The following ZNF804B variants were observed in gnomAD, a reference collection of about 807,000 sequenced individuals.
ZNF804B encodes zinc finger 804B.
ZNF804B carries 80 observed loss-of-function variants against 101.4 expected under a neutral mutation model. That is an observed-to-expected ratio of 0.79 (90% CI 0.66 to 0.95). ZNF804B has a LOEUF of 0.95. ZNF804B is among the 40% of genes least tolerant of loss of function. The pLI is 0.00. For missense variants in ZNF804B, 1,673 were observed against 1,561.9 expected (o/e 1.07, Z -1.20); for synonymous variants, 622 against 558.8 (o/e 1.11, Z -1.59).
intron 1 of ZNF804B, among the ~76,000 whole-genome samples, chr7:89,172,187 TTC>T (rs1314174107): frequency 6.6e-6 from 1 of 152,102 alleles, no homozygotes. Context: ...ACAGAGAACA[TTC>T]TAGAATATCT....
intron 1 of ZNF804B, among the ~76,000 whole-genome samples, chr7:89,183,120 T>C (rs1396221749): frequency 6.6e-6 from 1 of 152,010 alleles, no homozygotes; most frequent in Admixed American, 6.6e-5. Flanking sequence ...TTGGCTAAAA[T>C]ATAAACATGT....
intron 1 of ZNF804B, among the ~76,000 whole-genome samples, chr7:88,783,221 GT>G (rs1562792343): frequency 6.6e-6 from 1 of 152,166 alleles, no homozygotes; most frequent in African/African-American, 2.4e-5. Context: ...AATACTTGAA[GT>G]TTTTGCATGT....
At chr7:89,079,526 C>G (rs1456242509) in intron 1 of ZNF804B, among the ~76,000 whole-genome samples, 2 of 152,090 alleles carry the variant, frequency 1.3e-5, no homozygotes, top group African/African-American at 2.4e-5. Flanking sequence ...AACACTTACT[C>G]TCTGCAAAAT....
At chr7:89,278,927 T>C (rs1438083693) in intron 2 of ZNF804B, among the ~76,000 whole-genome samples, 2 of 152,096 alleles carry the variant, frequency 1.3e-5, no homozygotes, top group Non-Finnish European at 2.9e-5. Context: ...ATTGAATCTG[T>C]AAATTACCTT....
In ZNF804B at chr7:89,001,369, T is replaced by A. The variant is rs1024814982; in HGVS notation, c.109-216786T>A. Among the ~76,000 whole-genome samples, 6 of 151,498 alleles carry A rather than the reference T, an allele frequency of 4.0e-5. No individual in the cohort carries two copies. The South Asian group carries it at 6.2e-4, about 16-fold the overall frequency. On this transcript the variant is annotated intron_variant, in intron 1 of 3. Transcript: ENST00000333190. ...TTTTCCTTTCCTTTTCTTTTTTTTT[T>A]AAAAGCTAAATGAAAGATTTTATTA...
intron 1 of ZNF804B, among the ~76,000 whole-genome samples, chr7:88,972,140 T>C (rs1793548194): frequency 6.6e-6 from 1 of 151,574 alleles, no homozygotes; most frequent in Non-Finnish European, 1.5e-5. Context: ...GAGATGACAT[T>C]GAGCTCAAAG....
At chr7:89,216,862 A>C (rs1788903866) in intron 1 of ZNF804B, among the ~76,000 whole-genome samples, 1 of 152,220 alleles carries the variant, frequency 6.6e-6, no homozygotes. Context: ...AAACAAAGAT[A>C]AAATCCATTC....
At chr7:89,187,164 CATT>C (rs1485473634) in intron 1 of ZNF804B, among the ~76,000 whole-genome samples, 2 of 152,128 alleles carry the variant, frequency 1.3e-5, no homozygotes, top group Non-Finnish European at 2.9e-5. Context: ...TGGGGCTCTA[CATT>C]TGAAAGCAAA....
Position 88,770,940 on chromosome 7 carries a change from G to A in ZNF804B, c.108+10856G>A, listed in dbSNP as rs57159168. Among the ~76,000 whole-genome samples, 424 of 152,204 alleles carry A rather than the reference G, an allele frequency of 2.8e-3. 2 individuals carry two copies. Among genetic ancestry groups the A allele is most frequent in the African/African-American group, 9.9e-3 (412 of 41,530 alleles). On this transcript the variant is annotated intron_variant, in intron 1 of 3. Transcript: ENST00000333190. ...TTATAAGTTGAAATTTATGCAATTC[G>A]AAATGCTTTACTACACATTTTAATG...
rs1791053224 is a variant in ZNF804B, at chr7:89,334,984, G to A, written c.2002G>A (p.Asp668Asn). ...TCCTTGTACAGTAGGGGGTCACAGT[G>A]ACCATGGGAAAGACTTCAGTGTAAT... Reference protein sequence around the residue: ...SSPCTVGGHSDHGKDFSVILK... With the variant: ...SSPCTVGGHSNHGKDFSVILK... The change falls in exon 4 of 4, where the codon GAC becomes AAC. Residue 668 changes from aspartate to asparagine, a missense_variant. Transcript: ENST00000333190. The A allele has an allele frequency of 6.2e-7, 1 of 1,613,862 alleles. No homozygotes were observed. Among genetic ancestry groups the A allele is most frequent in the Non-Finnish European group, 8.5e-7 (1 of 1,179,898 alleles).
chr7:88,935,174 G>A (rs888458320), intron 1 of ZNF804B, among the ~76,000 whole-genome samples: 1 of 151,638 alleles, frequency 6.6e-6, no homozygotes, highest in Non-Finnish European at 1.5e-5. Flanking sequence ...GAGTAATTCA[G>A]AAATGGAAAA....
intron 2 of ZNF804B, among the ~76,000 whole-genome samples, chr7:89,220,090 T>TATATGTGTGTATATACATGTATATAG (rs1788976289): frequency 1.8e-5 from 2 of 111,924 alleles, no homozygotes; most frequent in African/African-American, 4.0e-5. Flanking sequence ...TACATATATA[T>TATATGTGTGTATATACATGTATATAG]ACGCACATAT....
At chr7:88,946,568 T>C (rs1793133173) in intron 1 of ZNF804B, among the ~76,000 whole-genome samples, 1 of 151,376 alleles carries the variant, frequency 6.6e-6, no homozygotes, top group Non-Finnish European at 1.5e-5. Flanking sequence ...TTTTTTTTTT[T>C]TTGTTTTATC....
intron 1 of ZNF804B, among the ~76,000 whole-genome samples, chr7:89,114,904 AAAAAAC>A (rs1248558829): frequency 7.2e-5 from 11 of 152,164 alleles, no homozygotes; most frequent in Non-Finnish European, 1.5e-4. Flanking sequence ...CTAGAACTGC[AAAAAAC>A]AAAAACAAAA....
chr7:89,123,001 C>A (rs575240089), intron 1 of ZNF804B, among the ~76,000 whole-genome samples: 16 of 152,158 alleles, frequency 1.1e-4, no homozygotes, highest in African/African-American at 3.1e-4. Flanking sequence ...CATCCCTGAC[C>A]GAACCCTATG....
At chr7:89,098,144 G>A (rs13247457) in intron 1 of ZNF804B, among the ~76,000 whole-genome samples, 1 of 152,078 alleles carries the variant, frequency 6.6e-6, no homozygotes, top group Non-Finnish European at 1.5e-5. Flanking sequence ...TAAGTAAGCT[G>A]TGTAAGGCTC....
At chr7:88,824,385 A>G (rs569511733) in intron 1 of ZNF804B, among the ~76,000 whole-genome samples, 2 of 152,256 alleles carry the variant, frequency 1.3e-5, no homozygotes, top group South Asian at 2.1e-4. Flanking sequence ...TGCTGCCTCC[A>G]TGTGAAGAAG....
In ZNF804B at chr7:89,337,198, T is replaced by C; in HGVS notation, c.*166T>C. Reference sequence around the variant, plus strand: ...AATTGCTAATACTAAAACAAGAGCATTTTAATAATTTTTTAGCTTGCCAAA... The same window carrying C: ...AATTGCTAATACTAAAACAAGAGCACTTTAATAATTTTTTAGCTTGCCAAA... On this transcript the variant is annotated 3_prime_UTR_variant, in exon 4 of 4. Coordinates refer to ENST00000333190, the MANE Select transcript of ZNF804B (RefSeq NM_181646.5). 2 of 766,052 alleles carry C rather than the reference T, an allele frequency of 2.6e-6. No individual in the cohort carries two copies. Among genetic ancestry groups the C allele is most frequent in the Middle Eastern group, 3.6e-4 (1 of 2,746 alleles). 47.5% of individuals were successfully genotyped at this position (766,052 alleles called of 1,614,324 possible).
intron 1 of ZNF804B, among the ~76,000 whole-genome samples, chr7:88,813,436 A>AG (rs2115739989): frequency 6.6e-6 from 1 of 151,458 alleles, no homozygotes; most frequent in African/African-American, 2.4e-5. Context: ...AAAAAAAAAA[A>AG]AAGAAAAGAA....
Sources: gnomAD v4.1 joint callset for allele counts (sites outside exome capture counted in the v4.1 genomes callset) on GRCh38, gnomAD v4.1.1 for gene constraint, MANE v1.5 for transcripts, NCBI Gene and HGNC (gene_info 2026-07-23, HGNC 2026-07-21) for gene names.